The following ADAMTS20 variants were observed in gnomAD, a reference collection of about 807,000 sequenced individuals.
The protein encoded by ADAMTS20 is ADAM metallopeptidase with thrombospondin type 1 motif 20, also known as A disintegrin and metalloproteinase with thrombospondin motifs 20.
Under a neutral mutation model 260.1 loss-of-function variants are expected in ADAMTS20, and 225 were observed. That is an observed-to-expected ratio of 0.87 (90% CI 0.78 to 0.97). The LOEUF is 0.97. Ranked by LOEUF, ADAMTS20 falls within the 50% of genes least tolerant of loss-of-function variation. The pLI, the probability that ADAMTS20 is intolerant of heterozygous loss-of-function variation, is 0.00. For synonymous variants in ADAMTS20, 802 were observed against 769.5 expected (o/e 1.04, Z -0.70); for missense variants, 2,400 against 2,337.7 (o/e 1.03, Z -0.55).
Position 43,460,988 on chromosome 12 carries a change from A to ATATATATATTTTTTT in ADAMTS20, c.1614+1906_1614+1907insAAAAAAATATATATA. 6.9e-3 allele frequency among the ~76,000 whole-genome samples: 181 copies of ATATATATATTTTTTT among 26,396 alleles called. 7 individuals carry two copies. The highest frequency in any genetic ancestry group is 9.8e-3 in the Non-Finnish European group (147 of 14,974). 17.3% of individuals were successfully genotyped at this position (26,396 alleles called of 152,430 possible). A position where few individuals can be genotyped will look rare whatever the true frequency, so the allele number is the denominator to read the frequency against. ...ATTATATATATATATATATATATAT[A>ATATATATATTTTTTT]TTTTTTTTTTTTTTTTTTTTTTTGA... On this transcript the variant is annotated intron_variant, in intron 11 of 38. Coordinates refer to ENST00000389420, the MANE Select transcript of ADAMTS20 (RefSeq NM_025003.5).
At chr12:43,459,899 G>A (rs930212077) in intron 11 of ADAMTS20, among the ~76,000 whole-genome samples, 2 of 152,056 alleles carry the variant, frequency 1.3e-5, no homozygotes, top group Non-Finnish European at 2.9e-5. Context: ...AAGTTATAAC[G>A]TTATACTATT....
chr12:43,383,497 A>G (rs1243404554), intron 31 of ADAMTS20, 61 bp downstream of exon 31: 6 of 1,497,486 alleles, frequency 4.0e-6, no homozygotes, highest in Non-Finnish European at 5.4e-6. Context: ...GCTGTGTCAA[A>G]TTGTAGATCC....
chr12:43,524,555 A>T (rs534573701), intron 3 of ADAMTS20, among the ~76,000 whole-genome samples: 49 of 86,810 alleles, frequency 5.6e-4, no homozygotes, highest in Non-Finnish European at 8.7e-4. Flanking sequence ...TTAACTATTT[A>T]GTTACTCAAG....
At chr12:43,446,101 GAT>G (rs201617986) in intron 15 of ADAMTS20, among the ~76,000 whole-genome samples, 1,952 of 152,126 alleles carry the variant, frequency 0.013, 46 homozygotes, top group African/African-American at 0.045. Flanking sequence ...AAATATATAA[GAT>G]AATGGTTTCA....
chr12:43,405,937 C>T (rs960320151), intron 28 of ADAMTS20, among the ~76,000 whole-genome samples: 1 of 152,116 alleles, frequency 6.6e-6, no homozygotes, highest in African/African-American at 2.4e-5. Flanking sequence ...CATTGTATGC[C>T]AGGTATTAGC....
chr12:43,409,473 G>A (rs1400126013), intron 28 of ADAMTS20, among the ~76,000 whole-genome samples: 1 of 149,060 alleles, frequency 6.7e-6, no homozygotes, highest in East Asian at 2.0e-4. Flanking sequence ...GTAGTGGCGG[G>A]CGCCTGTAGT....
chr12:43,389,008 T>C (rs993275434), intron 29 of ADAMTS20, among the ~76,000 whole-genome samples: 4 of 152,182 alleles, frequency 2.6e-5, no homozygotes, highest in Non-Finnish European at 5.9e-5. Flanking sequence ...CCTTGGGGGA[T>C]AGAACTTCAT....
In ADAMTS20 at chr12:43,422,736, C is replaced by T. The variant is rs147177950; in HGVS notation, c.4284+2778G>A. The T allele has an allele frequency of 4.7e-4, 72 of 152,094 alleles. No individual in the cohort carries two copies. In the East Asian group the frequency reaches 0.012, roughly 25 times the overall value. 9.4% of individuals were successfully genotyped at this position (152,094 alleles called of 1,614,324 possible). On this transcript the variant is annotated intron_variant, in intron 28 of 38. Transcript: ENST00000389420. Reference sequence around the variant, plus strand: ...TTCAATGAATTCCTTTTGGGATATACATGTAATAACACTAAATAATTCTGC... The same window carrying T: ...TTCAATGAATTCCTTTTGGGATATATATGTAATAACACTAAATAATTCTGC...
intron 23 of ADAMTS20, among the ~76,000 whole-genome samples, 161 bp from the exon 24 acceptor site, chr12:43,429,885 C>T (rs890624991): frequency 3.9e-5 from 6 of 152,132 alleles, no homozygotes; most frequent in African/African-American, 9.7e-5. Flanking sequence ...ACTACAGTAT[C>T]GTCAAGTGTC....
chr12:43,501,471 G>GCACACACACACA lies in ADAMTS20; in HGVS notation c.867+680_867+681insTGTGTGTGTGTG, dbSNP rs1341840205. 8.6e-4 allele frequency among the ~76,000 whole-genome samples: 40 copies of GCACACACACACA among 46,776 alleles called. No individual in the cohort carries two copies. In the East Asian group the frequency reaches 0.016, roughly 19 times the overall value. The allele number at this position is 46,776 out of a possible 152,430, so 30.7% of individuals were successfully genotyped here. A position where few individuals can be genotyped will look rare whatever the true frequency, so the allele number is the denominator to read the frequency against. On this transcript the variant is annotated intron_variant, in intron 4 of 38. Coordinates refer to ENST00000389420, the MANE Select transcript of ADAMTS20 (RefSeq NM_025003.5). ...GTGGTGGAGGGGGATACGCGCGCGC[G>GCACACACACACA]CGCGCGCGCGCACACACACACACAC...
intron 28 of ADAMTS20, among the ~76,000 whole-genome samples, chr12:43,399,634 T>C (rs1362011793): frequency 6.6e-6 from 1 of 152,130 alleles, no homozygotes; most frequent in East Asian, 1.9e-4. Context: ...CATGCTTTTC[T>C]ATACTGTAAA....
At chr12:43,427,532 T>TAA (rs60438862) in intron 26 of ADAMTS20, 63 bp from the exon 27 acceptor site, 1,579 of 1,194,910 alleles carry the variant, frequency 1.3e-3, no homozygotes, top group African/African-American at 1.6e-3. Flanking sequence ...ATTTACATGG[T>TAA]AAAAAAAAAA....
chr12:43,396,376 T>C (rs1940703280), intron 29 of ADAMTS20, among the ~76,000 whole-genome samples: 1 of 152,186 alleles, frequency 6.6e-6, no homozygotes, highest in Non-Finnish European at 1.5e-5. Flanking sequence ...AATGTTACAA[T>C]TTATACAATC....
intron 36 of ADAMTS20, 139 bp downstream of exon 36, chr12:43,375,240 G>T: frequency 7.6e-5 from 45 of 589,300 alleles, no homozygotes; most frequent in East Asian, 1.3e-4. Context: ...GTAGCTAACT[G>T]TTTTTAAAAA....
intron 9 of ADAMTS20, among the ~76,000 whole-genome samples, chr12:43,465,428 T>C (rs1400734514): frequency 6.6e-6 from 1 of 152,056 alleles, no homozygotes; most frequent in South Asian, 2.1e-4. Flanking sequence ...TTTGAATGAC[T>C]TAGGAAAAAC....
intron 2 of ADAMTS20, among the ~76,000 whole-genome samples, chr12:43,536,890 T>G (rs1174676178): frequency 6.6e-6 from 1 of 152,202 alleles, no homozygotes; most frequent in African/African-American, 2.4e-5. Flanking sequence ...AAGGCATGTT[T>G]CTGTGAAGAC....
At chr12:43,457,408 TC>T (rs1055036175) in intron 11 of ADAMTS20, among the ~76,000 whole-genome samples, 4 of 152,306 alleles carry the variant, frequency 2.6e-5, no homozygotes, top group African/African-American at 7.2e-5. Flanking sequence ...CAGGCTCATA[TC>T]TTGGTTTTTT....
intron 28 of ADAMTS20, among the ~76,000 whole-genome samples, chr12:43,410,867 T>C (rs1941017714): frequency 6.6e-6 from 1 of 152,186 alleles, no homozygotes; most frequent in Non-Finnish European, 1.5e-5. Context: ...AAATGGGCTA[T>C]ATTGTATTAT....
intron 28 of ADAMTS20, 99 bp downstream of exon 28, chr12:43,425,415 G>A (rs895642652): frequency 1.3e-5 from 14 of 1,101,676 alleles, no homozygotes; most frequent in Admixed American, 3.6e-5. Flanking sequence ...ACCCCTGAAT[G>A]TAAAATAAAA....
Sources: gnomAD v4.1 joint callset for allele counts (sites outside exome capture counted in the v4.1 genomes callset) on GRCh38, gnomAD v4.1.1 for gene constraint, MANE v1.5 for transcripts, NCBI Gene and HGNC (gene_info 2026-07-23, HGNC 2026-07-21) for gene names.